Variants in SCN4A observed in about 807,000 individuals in gnomAD.
The protein encoded by SCN4A is sodium channel protein type 4 subunit alpha.
Under a neutral mutation model 162.0 loss-of-function variants are expected in SCN4A, and 83 were observed. That is an observed-to-expected ratio of 0.51 (90% CI 0.43 to 0.61). The LOEUF (loss-of-function observed/expected upper bound fraction) is 0.61, where lower values mean the gene tolerates loss of function less well. Ranked by LOEUF, SCN4A falls within the 20% of genes least tolerant of loss-of-function variation. The pLI, the probability that SCN4A is intolerant of heterozygous loss-of-function variation, is 0.00. For missense variants in SCN4A, 2,196 were observed against 2,462.5 expected (o/e 0.89, Z 2.29); for synonymous variants, 944 against 985.1 (o/e 0.96, Z 0.78).
chr17:63,948,080 CACCAGGG>C lies in SCN4A; in HGVS notation c.3145-24_3145-18del. ...CTCGAAGGCCTGGGGGCACCAGCAC[CACCAGGG>C]TGGCTGGGGTCCAGCAGGCTGGGGT... On this transcript the variant is annotated intron_variant, in intron 16 of 23. Transcript: ENST00000435607. 6.3e-7 allele frequency: 1 copy of C among 1,583,582 alleles called. No individual in the cohort carries two copies. The highest frequency in any genetic ancestry group is 8.6e-7 in the Non-Finnish European group (1 of 1,158,784).
At chr17:63,952,943 C>T (rs141998682) in intron 13 of SCN4A, among the ~76,000 whole-genome samples, 90 of 152,330 alleles carry the variant, frequency 5.9e-4, no homozygotes, top group African/African-American at 2.1e-3. Flanking sequence ...CATTGCAGGG[C>T]TCTGAACCCC....
rs746988906 is a variant in SCN4A at position 63,941,405 on chromosome 17, T to A, written c.4877A>T (p.Lys1626Met). 1.2e-6 allele frequency: 2 copies of A among 1,613,882 alleles called. No homozygotes were observed. The highest frequency in any genetic ancestry group is 2.7e-5 in the African/African-American group (2 of 74,880). Reference protein sequence around the residue: ...DFEMFYETWEKFDPDATQFIA... With the variant: ...DFEMFYETWEMFDPDATQFIA... The stretch of plus-strand genomic sequence containing the variant: ...GAACTGGGTGGCGTCGGGGTCGAAC[T>A]TCTCCCATGTCTCGTAGAACATCTC... Residue 1626 changes from lysine (K) to methionine (M), a missense_variant, in exon 24 of 24, where the codon AAG (lysine) becomes ATG (methionine). Physicochemically the swap from Lys to Met is moderately conservative, Grantham distance 95. Transcript: ENST00000435607. The surrounding 1 kb of genome is among the most constrained non-coding windows in gnomAD (Gnocchi z 6.2).
chr17:63,950,771 C>T lies in SCN4A; in HGVS notation c.2853+653G>A, dbSNP rs950543165. 1.3e-5 allele frequency among the ~76,000 whole-genome samples: 2 copies of T among 152,224 alleles called. No homozygotes were observed. The highest frequency in any genetic ancestry group is 4.8e-5 in the African/African-American group (2 of 41,460). ...CTCAGCCTCAGCTGCTGGGGGTTAC[C>T]ACCGCTGCGTTCCTGTCCCTTCCTC... On this transcript the variant is annotated intron_variant, in intron 14 of 23. Coordinates refer to ENST00000435607, the MANE Select transcript of SCN4A (RefSeq NM_000334.4). This position sits in a 1 kb window ranked among gnomAD's most constrained non-coding sequence, Gnocchi z 4.6.
chr17:63,966,413 ATC>A, intron 7 of SCN4A, 66 bp downstream of exon 7: 1 of 1,488,212 alleles, frequency 6.7e-7, no homozygotes, highest in Non-Finnish European at 9.4e-7. Flanking sequence ...CCAGGTCCTC[ATC>A]TCTAATCAGC....
Position 63,957,231 on chromosome 17 carries a change from G to T in SCN4A, c.2307C>A (p.Cys769Ter), listed in dbSNP as rs750654464. The T allele has an allele frequency of 6.2e-7, 1 of 1,608,272 alleles. No individual in the cohort carries two copies. The highest frequency in any genetic ancestry group is 8.5e-7 in the Non-Finnish European group (1 of 1,175,032). ...CGEWIETMWD[C>*]MEVAGQAMCL... is the part of the protein sequence containing the mutation. Reference sequence around the variant, plus strand: ...ACATGGCTTGGCCGGCCACCTCCATGCAGTCCCACATGGTCTCGATCCACT... The same window carrying T: ...ACATGGCTTGGCCGGCCACCTCCATTCAGTCCCACATGGTCTCGATCCACT... Residue 769 changes from cysteine to a stop codon, truncating the protein, a stop_gained, in exon 13 of 24, where the codon TGC becomes TGA. Transcript: ENST00000435607. LOFTEE classifies it high-confidence loss of function.
rs746769074 is a variant in SCN4A at position 63,941,516 on chromosome 17, A to G, written c.4766T>C (p.Val1589Ala). 6.8e-6 allele frequency: 11 copies of G among 1,613,994 alleles called. No individual in the cohort carries two copies. The East Asian group carries it at 2.5e-4, about 36-fold the overall frequency. Residue 1589 changes from valine to alanine, a missense_variant, in exon 24 of 24, where the codon GTG becomes GCG. Transcript: ENST00000435607. The surrounding 1 kb of genome is among the most constrained non-coding windows in gnomAD (Gnocchi z 6.2). ...CSYIIISFLIVVNMYIAIILE... is the reference protein window; with the variant it reads ...CSYIIISFLIAVNMYIAIILE... ...GATGATGGCGATGTACATGTTGACCACGATGAGGAAGGAGATGATGATATA... is the reference window on the plus strand; with the variant it reads ...GATGATGGCGATGTACATGTTGACCGCGATGAGGAAGGAGATGATGATATA...
intron 13 of SCN4A, among the ~76,000 whole-genome samples, chr17:63,952,634 C>T (rs1305962579): frequency 6.6e-6 from 1 of 152,182 alleles, no homozygotes; most frequent in Admixed American, 6.5e-5. Flanking sequence ...GCCCCTGCTA[C>T]TCTGGAAGGG....
At chr17:63,965,921 G>A (rs1014383101) in intron 8 of SCN4A, among the ~76,000 whole-genome samples, 181 bp downstream of exon 8, 2 of 152,184 alleles carry the variant, frequency 1.3e-5, no homozygotes, top group African/African-American at 2.4e-5. Context: ...GGCTTGGCTC[G>A]GGGCAGGTGT....
Position 63,961,228 on chromosome 17 carries a change from C to T in SCN4A, c.1810G>A (p.Glu604Lys), listed in dbSNP as rs1197093499. Reference protein sequence around the residue: ...FMAMEHYPMTEHFDNVLTVGN... With the variant: ...FMAMEHYPMTKHFDNVLTVGN... ...ACAGTGAGCACGTTGTCAAAGTGCT[C>T]CGTCATGGGGTAATGTTCCATGGCC... Residue 604 changes from glutamate (E) to lysine (K), a missense_variant, in exon 11 of 24, where the codon GAG becomes AAG. Physicochemically the swap from Glu to Lys is moderately conservative, Grantham distance 56. Coordinates refer to ENST00000435607, the MANE Select transcript of SCN4A (RefSeq NM_000334.4). The T allele has an allele frequency of 6.6e-7, 1 of 1,516,414 alleles. No homozygotes were observed. The highest frequency in any genetic ancestry group is 1.8e-5 in the Admixed American group (1 of 56,748). 93.9% of individuals were successfully genotyped at this position (1,516,414 alleles called of 1,614,324 possible).
In SCN4A at chr17:63,963,687, A is replaced by T; in HGVS notation, c.1591T>A (p.Ser531Thr). ...RQSSSGDSGI[S>T]DAMEELEEAH... is the part of the protein sequence containing the mutation. Reference sequence around the variant, plus strand: ...AGGCACTCACCTTCCATGGCGTCGGAGATGCCGCTGTCTCCGCTGCTGCTC... The same window carrying T: ...AGGCACTCACCTTCCATGGCGTCGGTGATGCCGCTGTCTCCGCTGCTGCTC... The change falls in exon 10 of 24, where the codon TCC becomes ACC. Residue 531 changes from serine to threonine, a missense_variant. Transcript: ENST00000435607. 6.3e-7 allele frequency: 1 copy of T among 1,586,986 alleles called. No individual in the cohort carries two copies. Among genetic ancestry groups the T allele is most frequent in the Non-Finnish European group, 8.6e-7 (1 of 1,166,554 alleles).
In SCN4A at chr17:63,951,708, T is replaced by C. The variant is rs1216920751; in HGVS notation, c.2569A>G (p.Ser857Gly). 2 of 1,596,906 alleles carry C rather than the reference T, an allele frequency of 1.3e-6. No homozygotes were observed. Among genetic ancestry groups the C allele is most frequent in the East Asian group, 4.5e-5 (2 of 44,134 alleles). ...CCGGCCCCGTCAGCCTCCCCGAGGC[T>C]GAGCATGATGTCCTTGGGGCTCAGG... ...KILSPKDIML[S>G]LGEADGAGEA... Residue 857 changes from serine to glycine, a missense_variant, in exon 14 of 24, where the codon AGC (serine) becomes GGC (glycine). By Grantham distance (56) the Ser-to-Gly change is moderately conservative (BLOSUM62 0). Transcript: ENST00000435607. The surrounding 1 kb of genome is among the most constrained non-coding windows in gnomAD (Gnocchi z 4.5).
chr17:63,968,418 C>A, intron 5 of SCN4A, 63 bp from the exon 6 acceptor site: 2 of 1,378,204 alleles, frequency 1.5e-6, no homozygotes, highest in South Asian at 1.4e-5. Context: ...AGAGCCCCCG[C>A]GGCCCCCACC....
At chr17:63,948,543 G>A in intron 16 of SCN4A, 68 bp downstream of exon 16, 3 of 1,410,092 alleles carry the variant, frequency 2.1e-6, no homozygotes, top group Middle Eastern at 1.8e-4. Context: ...GTGGAGACAG[G>A]GAGCCCCAAG....
chr17:63,957,148 C>A lies in SCN4A; in HGVS notation c.2376+14G>T. On this transcript the variant is annotated intron_variant, in intron 13 of 23. Transcript: ENST00000435607. ...CCGGGTGAGGGCAGGGGCCACCCAGCCAGCCTCACTCACCACAAGATTGCC... is the reference window on the plus strand; with the variant it reads ...CCGGGTGAGGGCAGGGGCCACCCAGACAGCCTCACTCACCACAAGATTGCC... The A allele has an allele frequency of 6.5e-7, 1 of 1,546,846 alleles. No individual in the cohort carries two copies. The highest frequency in any genetic ancestry group is 1.2e-5 in the South Asian group (1 of 81,206).
Position 63,951,764 on chromosome 17 carries a change from G to C in SCN4A, c.2513C>G (p.Ala838Gly), listed in dbSNP as rs1485947061. Reference protein sequence around the residue: ...RIKLGIGFAKAFLLGLLHGKI... With the variant: ...RIKLGIGFAKGFLLGLLHGKI... ...GCCATGCAGCAGCCCCAGGAGGAAG[G>C]CCTTGGCAAAGCCGATGCCCAACTT... Residue 838 changes from alanine (A) to glycine (G), a missense_variant, in exon 14 of 24, where the codon GCC becomes GGC. Physicochemically the swap from Ala to Gly is moderately conservative, Grantham distance 60. Transcript: ENST00000435607. This position sits in a 1 kb window ranked among gnomAD's most constrained non-coding sequence, Gnocchi z 4.5. 6.3e-7 allele frequency: 1 copy of C among 1,586,674 alleles called. No individual in the cohort carries two copies. The highest frequency in any genetic ancestry group is 1.3e-5 in the African/African-American group (1 of 74,362).
At chr17:63,957,602 C>A (rs556137525) in intron 12 of SCN4A, 84 bp from the exon 13 acceptor site, 1 of 887,016 alleles carries the variant, frequency 1.1e-6, no homozygotes, top group South Asian at 1.6e-5. Context: ...AGAACAGTGT[C>A]GAGTAGCTTG....
chr17:63,942,922 C>A lies in SCN4A; in HGVS notation c.4192G>T (p.Gly1398Trp). 3 of 1,614,066 alleles carry A rather than the reference C, an allele frequency of 1.9e-6. No homozygotes were observed. The South Asian group carries it at 3.3e-5, about 18-fold the overall frequency. Residue 1398 changes from glycine (G) to tryptophan (W), a missense_variant, in exon 23 of 24, where the codon GGG becomes TGG. By Grantham distance (184) the Gly-to-Trp change is radical (BLOSUM62 -2). Transcript: ENST00000435607. ...INMIFIIIFT[G>W]ECVLKMLALR... ...GCGAGCATCTTGAGCACGCACTCCC[C>A]TGTGAAGATGATGATGAAGATCATG...
rs1292904922 is a variant in SCN4A, at chr17:63,972,642, A to G, written c.200T>C (p.Ile67Thr). Residue 67 changes from isoleucine to threonine, a missense_variant, in exon 1 of 24, where the codon ATC (isoleucine) becomes ACC (threonine). Coordinates refer to ENST00000435607, the MANE Select transcript of SCN4A (RefSeq NM_000334.4). The surrounding 1 kb of genome is among the most constrained non-coding windows in gnomAD (Gnocchi z 4.3). ...GACCTCCGGCGGGGGGTCTCCGTAG[A>G]TCATGGGTAGGTTCTTGCCAGCCTC... is the stretch of plus-strand genomic sequence containing the variant. ...DLEAGKNLPMIYGDPPPEVIG... is the reference protein window; with the variant it reads ...DLEAGKNLPMTYGDPPPEVIG... 1 of 1,611,884 alleles carries G rather than the reference A, an allele frequency of 6.2e-7. No homozygotes were observed. The highest frequency in any genetic ancestry group is 1.7e-5 in the Admixed American group (1 of 59,682).
At chr17:63,958,754 T>C (rs576788326) in intron 12 of SCN4A, among the ~76,000 whole-genome samples, 4 of 152,314 alleles carry the variant, frequency 2.6e-5, no homozygotes, top group East Asian at 3.9e-4. Flanking sequence ...AGTTTCACCA[T>C]GTTGGCCAGG....
Sources: allele counts gnomAD v4.1 joint callset (sites outside exome capture counted in the v4.1 genomes callset), GRCh38; gene constraint gnomAD v4.1.1; non-coding constraint Gnocchi (gnomAD v3.1); transcripts MANE v1.5; gene names NCBI Gene and HGNC (gene_info 2026-07-23, HGNC 2026-07-21).